SCN10A: variants seen among roughly 807,000 people sequenced by gnomAD.
The protein encoded by SCN10A is sodium channel protein type 10 subunit alpha.
In SCN10A, 162 loss-of-function variants were observed where a neutral mutation model predicts 170.7. The observed-to-expected ratio is 0.95, with a 90% CI of 0.84 to 1.08. The LOEUF (loss-of-function observed/expected upper bound fraction) is 1.08, where lower values mean the gene tolerates loss of function less well. SCN10A is among the 50% of genes least tolerant of loss of function. The pLI, the probability that SCN10A is intolerant of heterozygous loss-of-function variation, is 0.00. For synonymous variants in SCN10A, 985 were observed against 904.6 expected (o/e 1.09, Z -1.59); for missense variants, 2,527 against 2,436.9 (o/e 1.04, Z -0.78).
At chr3:38,726,262 C>T (rs2063453097) in intron 17 of SCN10A, among the ~76,000 whole-genome samples, 1 of 152,192 alleles carries the variant, frequency 6.6e-6, no homozygotes. Flanking sequence ...TTAGATGAGC[C>T]TTGCTCTTGG....
In SCN10A at chr3:38,739,495, C is replaced by T; in HGVS notation, c.2280+20G>A. Reference sequence around the variant, plus strand: ...AATCTGGGTGGGAGTTTCCCCAAGCCATCAAGAGAAAAACATTACCAAGCG... The same window carrying T: ...AATCTGGGTGGGAGTTTCCCCAAGCTATCAAGAGAAAAACATTACCAAGCG... On this transcript the variant is annotated intron_variant, in intron 15 of 27. Coordinates refer to ENST00000449082, the MANE Select transcript of SCN10A (RefSeq NM_006514.4). 2 of 1,608,194 alleles carry T rather than the reference C, an allele frequency of 1.2e-6. No individual in the cohort carries two copies. Among genetic ancestry groups the T allele is most frequent in the South Asian group, 2.2e-5 (2 of 90,156 alleles).
At chr3:38,772,308 G>C (rs1265616696) in intron 4 of SCN10A, among the ~76,000 whole-genome samples, 4 of 100,962 alleles carry the variant, frequency 4.0e-5, no homozygotes, top group Non-Finnish European at 7.8e-5. Context: ...AGAAACCAAA[G>C]CAACCAAACA....
At chr3:38,710,810 G>A in intron 24 of SCN10A, 34 bp downstream of exon 24, 1 of 1,599,040 alleles carries the variant, frequency 6.3e-7, no homozygotes, top group Middle Eastern at 1.7e-4. Context: ...ATGCACAGAG[G>A]GGAAGGCTGT....
intron 1 of SCN10A, among the ~76,000 whole-genome samples, chr3:38,805,258 G>C (rs541188102): frequency 6.6e-6 from 1 of 152,138 alleles, no homozygotes; most frequent in African/African-American, 2.4e-5. Context: ...CTGGGTGAAA[G>C]TGTGACTGAG....
chr3:38,782,387 A>G (rs2064149054), intron 4 of SCN10A, among the ~76,000 whole-genome samples: 1 of 152,176 alleles, frequency 6.6e-6, no homozygotes, highest in Middle Eastern at 3.4e-3. Context: ...CTGATCTGCT[A>G]AGTGATTTAC....
chr3:38,736,359 C>G (rs1343859784), intron 15 of SCN10A, among the ~76,000 whole-genome samples: 1 of 91,440 alleles, frequency 1.1e-5, no homozygotes, highest in Non-Finnish European at 2.4e-5. Flanking sequence ...AATAGGGAAA[C>G]TCTGTGTGTG....
chr3:38,723,342 C>G, intron 19 of SCN10A, 88 bp downstream of exon 19: 6 of 1,528,712 alleles, frequency 3.9e-6, no homozygotes, highest in Non-Finnish European at 5.4e-6. Flanking sequence ...GCTTGTTTGT[C>G]TTCTGTGGAT....
chr3:38,802,110 A>T (rs140791962), intron 1 of SCN10A, among the ~76,000 whole-genome samples: 1 of 152,240 alleles, frequency 6.6e-6, no homozygotes, highest in Non-Finnish European at 1.5e-5. Context: ...ATGCTTCCTC[A>T]AATCTTCCTC....
intron 15 of SCN10A, among the ~76,000 whole-genome samples, chr3:38,729,546 G>A (rs1291511946): frequency 6.6e-6 from 1 of 152,154 alleles, no homozygotes; most frequent in East Asian, 1.9e-4. Flanking sequence ...TATGAAGAGA[G>A]GTGTGTGGGC....
chr3:38,715,452 A>T (rs1349112810), intron 21 of SCN10A, among the ~76,000 whole-genome samples: 1 of 152,240 alleles, frequency 6.6e-6, no homozygotes, highest in East Asian at 1.9e-4. Flanking sequence ...CCCTCAGGAT[A>T]AACTCCATAC....
intron 8 of SCN10A, among the ~76,000 whole-genome samples, chr3:38,758,531 A>T (rs2063834377): frequency 6.6e-6 from 1 of 152,226 alleles, no homozygotes; most frequent in African/African-American, 2.4e-5. Context: ...CTGGAATAAT[A>T]TATGTGGAAG....
intron 2 of SCN10A, among the ~76,000 whole-genome samples, chr3:38,793,090 A>G (rs2064304699): frequency 6.6e-6 from 1 of 152,014 alleles, no homozygotes; most frequent in African/African-American, 2.4e-5. Context: ...ATGTGTGTGT[A>G]TATATATCTC....
At chr3:38,756,031 G>A in intron 10 of SCN10A, 73 bp from the exon 11 acceptor site, 1 of 1,503,570 alleles carries the variant, frequency 6.7e-7, no homozygotes, top group Non-Finnish European at 9.2e-7. Flanking sequence ...CCCCAGACAT[G>A]GGGTGCCAGG....
At chr3:38,718,579 TC>T in intron 21 of SCN10A, 73 bp downstream of exon 21, 2 of 1,508,638 alleles carry the variant, frequency 1.3e-6, no homozygotes, top group South Asian at 2.4e-5. Context: ...TCTCTGAGCT[TC>T]CTTTGCCCTA....
rs267599799 is a variant in SCN10A at position 38,702,011 on chromosome 3, C to T, written c.4485G>A (p.Val1495=). Residue 1495 remains valine, a synonymous_variant, in exon 27 of 28, where the codon GTG becomes GTA. Transcript: ENST00000449082. Reference sequence around the variant, plus strand: ...TTTCTTCACTTTGGTCATCAGTCTCCACCATCATGGTGATCATGTTGAGGC... The same window carrying T: ...TTTCTTCACTTTGGTCATCAGTCTCTACCATCATGGTGATCATGTTGAGGC... ...LICLNMITMM[V]ETDDQSEEKT... The T allele has an allele frequency of 6.2e-7, 1 of 1,613,936 alleles. No homozygotes were observed. Among genetic ancestry groups the T allele is most frequent in the Non-Finnish European group, 8.5e-7 (1 of 1,179,890 alleles).
chr3:38,798,931 G>T (rs2064355999), intron 1 of SCN10A, among the ~76,000 whole-genome samples: 1 of 151,598 alleles, frequency 6.6e-6, no homozygotes, highest in African/African-American at 2.4e-5. Context: ...TGGAACTACA[G>T]GTATGTGCCA....
chr3:38,784,917 A>G lies in SCN10A; in HGVS notation c.470+4039T>C, dbSNP rs573680167. Among the ~76,000 whole-genome samples the G allele has an allele frequency of 1.8e-4, 28 of 152,270 alleles. No homozygotes were observed. In the East Asian group the frequency reaches 5.2e-3, roughly 28 times the overall value. On this transcript the variant is annotated intron_variant, in intron 4 of 27. Transcript: ENST00000449082. The stretch of plus-strand genomic sequence containing the variant: ...AGAGAATAAAATATCTAGAAATACA[A>G]CTTACAAGGGATGTGAAGGACCTCT...
intron 4 of SCN10A, among the ~76,000 whole-genome samples, chr3:38,775,368 C>A (rs1358634043): frequency 2.0e-5 from 3 of 152,160 alleles, no homozygotes; most frequent in African/African-American, 4.8e-5. Context: ...TTTTACTTAG[C>A]ACAATGCTTT....
chr3:38,723,797 T>G (rs925383050), intron 18 of SCN10A, among the ~76,000 whole-genome samples: 1 of 152,182 alleles, frequency 6.6e-6, no homozygotes. Context: ...CTCTCAGCAT[T>G]CACTGGGCTT....
Sources: allele counts gnomAD v4.1 joint callset (sites outside exome capture counted in the v4.1 genomes callset), GRCh38; gene constraint gnomAD v4.1.1; transcripts MANE v1.5; gene names NCBI Gene and HGNC (gene_info 2026-07-23, HGNC 2026-07-21).